Variants in NEDD4 observed in about 807,000 individuals in gnomAD.
NEDD4 encodes E3 ubiquitin-protein ligase NEDD4.
NEDD4 carries 99 observed loss-of-function variants against 144.9 expected under a neutral mutation model. The ratio of observed to expected loss-of-function variants is 0.68; its 90% CI spans 0.58 to 0.81. NEDD4 has a LOEUF of 0.81. Ranked by LOEUF, NEDD4 falls within the 30% of genes least tolerant of loss-of-function variation. NEDD4 has a pLI of 0.00. For missense variants in NEDD4, 985 were observed against 1,065.9 expected (o/e 0.92, Z 1.06); for synonymous variants, 318 against 350.6 (o/e 0.91, Z 1.04).
intron 5 of NEDD4, among the ~76,000 whole-genome samples, chr15:55,889,687 G>GTGTT (rs1761201129): frequency 6.6e-6 from 1 of 151,684 alleles, no homozygotes; most frequent in South Asian, 2.1e-4. Context: ...ATTTAATTTA[G>GTGTT]TGTTTTGTTT....
chr15:55,907,821 G>T (rs1391678361), intron 5 of NEDD4, among the ~76,000 whole-genome samples: 1 of 152,158 alleles, frequency 6.6e-6, no homozygotes, highest in Non-Finnish European at 1.5e-5. Flanking sequence ...TACCCTTAAA[G>T]ATCTTTGTCC....
At chr15:55,869,478 T>C in intron 8 of NEDD4, 101 bp downstream of exon 8, 1 of 660,412 alleles carries the variant, frequency 1.5e-6, no homozygotes. Flanking sequence ...ATAATCTTCA[T>C]TGCACATGTT....
intron 2 of NEDD4, among the ~76,000 whole-genome samples, chr15:55,953,448 G>GTTT (rs1315261141): frequency 7.1e-6 from 1 of 141,168 alleles, no homozygotes; most frequent in Non-Finnish European, 1.6e-5. Flanking sequence ...CTTCTTTTTT[G>GTTT]TTTTTTTTTT....
At chr15:55,880,899 T>C (rs186131625) in intron 5 of NEDD4, among the ~76,000 whole-genome samples, 56 of 152,278 alleles carry the variant, frequency 3.7e-4, no homozygotes, top group Non-Finnish European at 1.5e-5. Flanking sequence ...TTAGCTAATA[T>C]ATATTTAAAA....
intron 1 of NEDD4, among the ~76,000 whole-genome samples, chr15:55,977,694 T>G (rs1566976015): frequency 6.6e-6 from 1 of 151,894 alleles, no homozygotes; most frequent in Non-Finnish European, 1.5e-5. Context: ...TTCAGTTTTC[T>G]GAGGGGAGGG....
chr15:55,922,164 AT>A (rs1369010080), intron 5 of NEDD4, among the ~76,000 whole-genome samples: 1 of 152,236 alleles, frequency 6.6e-6, no homozygotes, highest in Non-Finnish European at 1.5e-5. Flanking sequence ...AATACTGGAA[AT>A]AACACTAATA....
chr15:55,921,737 A>C (rs749712759), intron 5 of NEDD4, among the ~76,000 whole-genome samples: 1 of 152,230 alleles, frequency 6.6e-6, no homozygotes, highest in Non-Finnish European at 1.5e-5. Flanking sequence ...TTAATATCAA[A>C]GGCAATACTT....
intron 1 of NEDD4, among the ~76,000 whole-genome samples, chr15:55,988,487 T>TAAAAAAAAAAAAAAAAA (rs56688563): frequency 6.1e-4 from 62 of 101,664 alleles, no homozygotes; most frequent in Middle Eastern, 6.8e-3. Context: ...AAAAAAAAAT[T>TAAAAAAAAAAAAAAAAA]AAAAAAAAAA....
intron 8 of NEDD4, among the ~76,000 whole-genome samples, chr15:55,865,573 A>G (rs2034558738): frequency 6.6e-6 from 1 of 151,664 alleles, no homozygotes; most frequent in Non-Finnish European, 1.5e-5. Context: ...AGACCAAATG[A>G]CAAAGTGGCA....
intron 1 of NEDD4, among the ~76,000 whole-genome samples, chr15:55,988,487 T>TAAAAAAAAAAAAAAAAAAAAAAAA (rs56688563): frequency 2.6e-4 from 26 of 101,670 alleles, no homozygotes; most frequent in African/African-American, 3.3e-4. Context: ...AAAAAAAAAT[T>TAAAAAAAAAAAAAAAAAAAAAAAA]AAAAAAAAAA....
intron 11 of NEDD4, 85 bp downstream of exon 11, chr15:55,860,322 A>G: frequency 7.2e-7 from 1 of 1,389,580 alleles, no homozygotes; most frequent in Non-Finnish European, 9.8e-7. Flanking sequence ...TTAAGACAAA[A>G]TTTTACATAA....
chr15:55,848,779 G>T, intron 15 of NEDD4, 27 bp downstream of exon 15: 1 of 1,588,254 alleles, frequency 6.3e-7, no homozygotes, highest in Non-Finnish European at 8.6e-7. Flanking sequence ...AGCCAAGTTA[G>T]ATGGGTTAGC....
intron 5 of NEDD4, among the ~76,000 whole-genome samples, chr15:55,923,659 A>AAAAAATAT (rs546642962): frequency 1.6e-4 from 22 of 135,256 alleles, no homozygotes; most frequent in East Asian, 6.6e-4. Flanking sequence ...AAAAAAAAAA[A>AAAAAATAT]ATATATATAT....
intron 4 of NEDD4, among the ~76,000 whole-genome samples, chr15:55,944,632 A>C (rs1019597487): frequency 8.5e-5 from 13 of 152,234 alleles, no homozygotes; most frequent in Admixed American, 8.5e-4. Context: ...TGAAGAGAGC[A>C]GTGGTTCTCC....
chr15:55,973,864 T>C (rs2037656182), intron 1 of NEDD4, among the ~76,000 whole-genome samples: 1 of 148,514 alleles, frequency 6.7e-6, no homozygotes, highest in Non-Finnish European at 1.5e-5. Flanking sequence ...GCTATGCATC[T>C]TAAAGAACTA....
intron 24 of NEDD4, among the ~76,000 whole-genome samples, chr15:55,836,331 GACACACACAC>G (rs10526731): frequency 0.21 from 30,358 of 147,538 alleles, 3,184 homozygotes; most frequent in African/African-American, 0.26. Context: ...AAAAGTATGT[GACACACACAC>G]ACACACACAC....
intron 5 of NEDD4, chr15:55,916,605 G>A: frequency 6.2e-7 from 1 of 1,614,038 alleles, no homozygotes; most frequent in Non-Finnish European, 8.5e-7. Context: ...ATTTTCAGAT[G>A]AGGGAACAGA....
chr15:55,897,853 C>T (rs1442575106), intron 5 of NEDD4, among the ~76,000 whole-genome samples: 1 of 152,212 alleles, frequency 6.6e-6, no homozygotes, highest in Non-Finnish European at 1.5e-5. Flanking sequence ...CTATACTTTT[C>T]CCCAGGCTTC....
At chr15:55,890,666 A>G (rs1041383929) in intron 5 of NEDD4, among the ~76,000 whole-genome samples, 2 of 152,182 alleles carry the variant, frequency 1.3e-5, no homozygotes, top group African/African-American at 2.4e-5. Context: ...TTGTACGAAC[A>G]TATGTTTTCA....
Sources: allele counts gnomAD v4.1 joint callset (sites outside exome capture counted in the v4.1 genomes callset), GRCh38; gene constraint gnomAD v4.1.1; transcripts MANE v1.5; gene names NCBI Gene and HGNC (gene_info 2026-07-23, HGNC 2026-07-21).